CACNA2D3: variants seen among roughly 807,000 people sequenced by gnomAD.
CACNA2D3 encodes voltage-dependent calcium channel subunit alpha-2/delta-3.
Under a neutral mutation model 160.6 loss-of-function variants are expected in CACNA2D3, and 60 were observed. The observed-to-expected ratio is 0.37, with a 90% CI of 0.30 to 0.46. The LOEUF is 0.46. Among genes scored for constraint, CACNA2D3 ranks in the 20% least tolerant of loss-of-function variants. CACNA2D3 has a pLI of 1.00. For synonymous variants in CACNA2D3, 558 were observed against 492.9 expected (o/e 1.13, Z -1.75); for missense variants, 1,205 against 1,365.0 (o/e 0.88, Z 1.85).
At chr3:54,460,987 A>T (rs146003998) in intron 4 of CACNA2D3, among the ~76,000 whole-genome samples, 62 of 151,776 alleles carry the variant, frequency 4.1e-4, no homozygotes, top group African/African-American at 1.4e-3. Context: ...TAGCATGAAG[A>T]GTTGTTGAAT....
chr3:54,881,517 T>A (rs1699796030), intron 21 of CACNA2D3, among the ~76,000 whole-genome samples: 2 of 152,226 alleles, frequency 1.3e-5, no homozygotes, highest in Admixed American at 6.5e-5. Context: ...AAAATTGCTG[T>A]CACATGTGCT....
Position 55,035,837 on chromosome 3 carries a change from A to G in CACNA2D3, c.2987+17520A>G, listed in dbSNP as rs114113855. On this transcript the variant is annotated intron_variant, in intron 35 of 37. Coordinates refer to ENST00000474759, the MANE Select transcript of CACNA2D3 (RefSeq NM_018398.3). ...ATAATTCTAAAAATGCTTTCCGGCT[A>G]TGGTTCTATATGTTATGTGAAGTGG... Among the ~76,000 whole-genome samples, 839 of 152,300 alleles carry G rather than the reference A, an allele frequency of 5.5e-3. 11 individuals are homozygous for G. Among genetic ancestry groups the G allele is most frequent in the African/African-American group, 0.019 (796 of 41,556 alleles).
In CACNA2D3 at chr3:54,251,208, G is replaced by A. The variant is rs116413830; in HGVS notation, c.205-69234G>A. 6.8e-3 allele frequency among the ~76,000 whole-genome samples: 1,037 copies of A among 152,218 alleles called. 14 individuals carry two copies. Among genetic ancestry groups the A allele is most frequent in the African/African-American group, 0.024 (976 of 41,528 alleles). On this transcript the variant is annotated intron_variant, in intron 2 of 37. Transcript: ENST00000474759. ...CCAGTGTTTTGAAAAGAGGGATGGGGTGATATTGGGGTGAGAGAGGAAAGC... is the reference window on the plus strand; with the variant it reads ...CCAGTGTTTTGAAAAGAGGGATGGGATGATATTGGGGTGAGAGAGGAAAGC...
At chr3:54,279,024 C>T (rs1474994258) in intron 2 of CACNA2D3, among the ~76,000 whole-genome samples, 1 of 152,182 alleles carries the variant, frequency 6.6e-6, no homozygotes, top group Non-Finnish European at 1.5e-5. Context: ...ACAGAGCAGA[C>T]AAGAATCAAA....
Position 54,885,318 on chromosome 3 carries a change from A to T in CACNA2D3, c.1950A>T (p.Ala650=). ...HDLEHPDVSL[A]DEWSYCNTDL... is the part of the protein sequence containing the mutation. ...TAGAACATCCCGATGTGTCCTTGGCAGATGAATGGTAAGAATTAAACCATC... is the reference window on the plus strand; with the variant it reads ...TAGAACATCCCGATGTGTCCTTGGCTGATGAATGGTAAGAATTAAACCATC... Residue 650 remains alanine, a synonymous_variant, in exon 22 of 38, where the codon GCA becomes GCT. Transcript: ENST00000474759. 1 of 1,613,916 alleles carries T rather than the reference A, an allele frequency of 6.2e-7. No individual in the cohort carries two copies. Among genetic ancestry groups the T allele is most frequent in the Non-Finnish European group, 8.5e-7 (1 of 1,179,836 alleles).
At chr3:54,494,092 C>T (rs1701159637) in intron 4 of CACNA2D3, among the ~76,000 whole-genome samples, 1 of 152,182 alleles carries the variant, frequency 6.6e-6, no homozygotes, top group African/African-American at 2.4e-5. Context: ...GTTGTGCTCC[C>T]ATCACACTTA....
intron 3 of CACNA2D3, among the ~76,000 whole-genome samples, chr3:54,376,332 C>A (rs1311901820): frequency 6.6e-6 from 1 of 152,256 alleles, no homozygotes; most frequent in Non-Finnish European, 1.5e-5. Flanking sequence ...CCCCAGCTTA[C>A]TGTTGCATCA....
chr3:54,315,079 A>G (rs888894806), intron 2 of CACNA2D3, among the ~76,000 whole-genome samples: 9 of 152,212 alleles, frequency 5.9e-5, no homozygotes, highest in African/African-American at 2.2e-4. Context: ...TGGAGAGGCA[A>G]ACCCTAGGAG....
At chr3:54,640,586 G>T (rs770305923) in intron 10 of CACNA2D3, among the ~76,000 whole-genome samples, 4 of 152,180 alleles carry the variant, frequency 2.6e-5, no homozygotes, top group Admixed American at 6.5e-5. Flanking sequence ...AGTTGAAGAA[G>T]TCTAGGGTTT....
intron 9 of CACNA2D3, among the ~76,000 whole-genome samples, chr3:54,622,129 C>T (rs1306577559): frequency 6.6e-6 from 1 of 152,174 alleles, no homozygotes; most frequent in South Asian, 2.1e-4. Flanking sequence ...CTCACTACCC[C>T]ACCCACTACT....
At chr3:54,172,107 G>A (rs991076254) in intron 2 of CACNA2D3, among the ~76,000 whole-genome samples, 4 of 152,150 alleles carry the variant, frequency 2.6e-5, no homozygotes, top group African/African-American at 9.7e-5. Flanking sequence ...CCTTTGCGGT[G>A]TTTGCCCTGC....
chr3:54,381,736 C>G (rs1435603102), intron 3 of CACNA2D3, among the ~76,000 whole-genome samples: 1 of 152,136 alleles, frequency 6.6e-6, no homozygotes, highest in Admixed American at 6.5e-5. Context: ...TTAATATCCC[C>G]GCTATTCCCC....
chr3:54,855,939 TA>T (rs2106791410), intron 17 of CACNA2D3, among the ~76,000 whole-genome samples: 1 of 152,332 alleles, frequency 6.6e-6, no homozygotes, highest in African/African-American at 2.4e-5. Flanking sequence ...TGTAAAACTT[TA>T]GTCCTCTCAG....
chr3:54,822,804 T>C (rs1166870080), intron 14 of CACNA2D3, among the ~76,000 whole-genome samples: 1 of 112,782 alleles, frequency 8.9e-6, no homozygotes, highest in Non-Finnish European at 1.7e-5. Flanking sequence ...TCTTTCTTTC[T>C]TTCTTTCTTT....
chr3:54,982,978 CTG>C (rs763664455), intron 29 of CACNA2D3, among the ~76,000 whole-genome samples: 8 of 152,164 alleles, frequency 5.3e-5, no homozygotes, highest in Non-Finnish European at 1.0e-4. Flanking sequence ...CTATCTCATC[CTG>C]TGACTTAGAA....
chr3:54,388,033 AGT>A (rs1342893774), intron 4 of CACNA2D3, among the ~76,000 whole-genome samples: 24 of 152,194 alleles, frequency 1.6e-4, no homozygotes, highest in African/African-American at 5.3e-4. Context: ...TGCATATTCA[AGT>A]GGGGTGATCA....
chr3:54,529,097 A>G (rs1701767399), intron 5 of CACNA2D3, among the ~76,000 whole-genome samples: 1 of 152,176 alleles, frequency 6.6e-6, no homozygotes, highest in Non-Finnish European at 1.5e-5. Flanking sequence ...CAGTGATGGA[A>G]CTCAGTCCTC....
chr3:54,249,558 TACACACACACACAC>T (rs149515122), intron 2 of CACNA2D3, among the ~76,000 whole-genome samples: 1 of 123,806 alleles, frequency 8.1e-6, no homozygotes, highest in Non-Finnish European at 1.6e-5. Context: ...TCTGTTTACG[TACACACACACACAC>T]ACACACACAC....
At chr3:54,414,018 A>G (rs1381416233) in intron 4 of CACNA2D3, among the ~76,000 whole-genome samples, 1 of 151,588 alleles carries the variant, frequency 6.6e-6, no homozygotes, top group African/African-American at 2.4e-5. Flanking sequence ...TATAAGATTC[A>G]TCCATGTAAT....
Sources: allele counts gnomAD v4.1 joint callset (sites outside exome capture counted in the v4.1 genomes callset), GRCh38; gene constraint gnomAD v4.1.1; transcripts MANE v1.5; gene names NCBI Gene and HGNC (gene_info 2026-07-23, HGNC 2026-07-21).